The following AZGP1 variants were observed in gnomAD, a reference collection of about 807,000 sequenced individuals.
AZGP1 encodes alpha-2-glycoprotein 1, zinc-binding.
Under a neutral mutation model 31.5 loss-of-function variants are expected in AZGP1, and 28 were observed. That is an observed-to-expected ratio of 0.89 (90% CI 0.66 to 1.22). AZGP1 has a LOEUF of 1.22. Among genes scored for constraint, AZGP1 ranks in the 50% most tolerant of loss-of-function variants. AZGP1 has a pLI of 0.00. For missense variants in AZGP1, 361 were observed against 371.8 expected, an observed-to-expected ratio of 0.97 and a Z score of 0.24; for synonymous variants, 135 against 145.4, an observed-to-expected ratio of 0.93 and a Z score of 0.51.
chr7:99,971,737 T>C lies in AZGP1; in HGVS notation c.337+9A>G. On this transcript the variant is annotated intron_variant, in intron 2 of 3. Coordinates refer to ENST00000292401, the MANE Select transcript of AZGP1 (RefSeq NM_001185.4). ...GACCTTCCACCCCTGTGGTCTGTTA[T>C]TCACTGACCGTTACTGTCGTTGTAA... 6.2e-7 allele frequency: 1 copy of C among 1,612,740 alleles called. No individual in the cohort carries two copies. The highest frequency in any genetic ancestry group is 1.7e-5 in the Admixed American group (1 of 59,984).
chr7:99,968,834 A>C (rs1168537681), intron 2 of AZGP1: 2 of 204,318 alleles, frequency 9.8e-6, no homozygotes, highest in African/African-American at 4.8e-5. Flanking sequence ...ATGGTGGTGC[A>C]TGCCTGTAGC....
In AZGP1 at chr7:99,966,995, C is replaced by A; in HGVS notation, c.*8G>T. The A allele has an allele frequency of 1.9e-6, 3 of 1,611,964 alleles. No homozygotes were observed. The highest frequency in any genetic ancestry group is 2.5e-6 in the Non-Finnish European group (3 of 1,178,484). ...CTGAGATCCCACATTGCCTCCAACC[C>A]TTGCTTCCTAGCTGGCCTCCCAGGG... On this transcript the variant is annotated 3_prime_UTR_variant, in exon 4 of 4. Transcript: ENST00000292401.
chr7:99,972,027 A>C, intron 1 of AZGP1, 21 bp from the exon 2 acceptor site: 2 of 1,587,826 alleles, frequency 1.3e-6, no homozygotes, highest in Admixed American at 3.4e-5. Flanking sequence ...AAAGATTCTG[A>C]TGGTTGAGGT....
At chr7:99,969,408 T>TAAAAA (rs3033213) in intron 2 of AZGP1, among the ~76,000 whole-genome samples, 1 of 141,332 alleles carries the variant, frequency 7.1e-6, no homozygotes, top group African/African-American at 2.7e-5. Flanking sequence ...GACTCAGTCT[T>TAAAAA]AAAAAAAAAA....
At position 99,968,375 on chromosome 7, in the gene AZGP1, G is replaced by A. The variant is rs777569319; in HGVS notation, c.393C>T (p.Ser131=). The A allele has an allele frequency of 3.8e-5, 61 of 1,613,596 alleles. No homozygotes were observed. In the Middle Eastern group the frequency reaches 5.0e-4, roughly 13 times the overall value. The part of the protein sequence containing the change: ...FGCEIENNRS[S]GAFWKYYYDG... ...CATAGTAATATTTCCAGAATGCTCC[G>A]CTGCTTCTGTTATTCTCGATCTCAC... Residue 131 remains serine (S), a synonymous_variant, in exon 3 of 4, where the codon AGC becomes AGT. Transcript: ENST00000292401.
chr7:99,972,034 AG>A, intron 1 of AZGP1, 28 bp from the exon 2 acceptor site: 1 of 1,578,588 alleles, frequency 6.3e-7, no homozygotes, highest in Non-Finnish European at 8.6e-7. Flanking sequence ...CTGATGGTTG[AG>A]GTCCATGCAA....
chr7:99,973,971 G>C (rs1789618830), intron 1 of AZGP1, among the ~76,000 whole-genome samples: 1 of 150,236 alleles, frequency 6.7e-6, no homozygotes, highest in Non-Finnish European at 1.5e-5. Context: ...GGTGACTATA[G>C]TCAATAATAA....
Position 99,968,224 on chromosome 7 carries a change from G to A in AZGP1, c.544C>T (p.Leu182=), listed in dbSNP as rs764757079. Residue 182 remains leucine (L), a synonymous_variant, in exon 3 of 4, where the codon CTG becomes TTG. Coordinates refer to ENST00000292401, the MANE Select transcript of AZGP1 (RefSeq NM_001185.4). ...AGAGTCGCAGGGCACTCCTCCTCCAGGTAAGCCTTGGCCCGCTGCACGTAG... is the reference window on the plus strand; with the variant it reads ...AGAGTCGCAGGGCACTCCTCCTCCAAGTAAGCCTTGGCCCGCTGCACGTAG... ...PVYVQRAKAY[L]EEECPATLRK... is the part of the protein sequence containing the mutation. 6 of 1,613,748 alleles carry A rather than the reference G, an allele frequency of 3.7e-6. No individual in the cohort carries two copies. Among genetic ancestry groups the A allele is most frequent in the Middle Eastern group, 1.6e-4 (1 of 6,082 alleles).
chr7:99,968,656 T>C, intron 2 of AZGP1: 1 of 587,100 alleles, frequency 1.7e-6, no homozygotes, highest in Non-Finnish European at 2.9e-6. Context: ...TCAGATGAGA[T>C]ATGTTCCTCC....
At chr7:99,969,274 T>C (rs1789543131) in intron 2 of AZGP1, among the ~76,000 whole-genome samples, 1 of 152,104 alleles carries the variant, frequency 6.6e-6, no homozygotes, top group Admixed American at 6.6e-5. Flanking sequence ...CTGGGTGTGC[T>C]GGCACATGCC....
intron 1 of AZGP1, among the ~76,000 whole-genome samples, chr7:99,974,403 T>C (rs1789626322): frequency 6.6e-6 from 1 of 151,150 alleles, no homozygotes; most frequent in Non-Finnish European, 1.5e-5. Context: ...CTGGCCAACA[T>C]GATGAAACCC....
chr7:99,966,952 G>A lies in AZGP1; in HGVS notation c.*51C>T. ...GTGGTTCAGCTCCCACATCAGGCAG[G>A]AAGGGCAGCTACTGGGTCTGAGATC... On this transcript the variant is annotated 3_prime_UTR_variant, in exon 4 of 4. Coordinates refer to ENST00000292401, the MANE Select transcript of AZGP1 (RefSeq NM_001185.4). 1 of 1,584,624 alleles carries A rather than the reference G, an allele frequency of 6.3e-7. No individual in the cohort carries two copies. Among genetic ancestry groups the A allele is most frequent in the Non-Finnish European group, 8.6e-7 (1 of 1,163,152 alleles).
At chr7:99,970,575 C>T (rs1789561091) in intron 2 of AZGP1, among the ~76,000 whole-genome samples, 1 of 151,846 alleles carries the variant, frequency 6.6e-6, no homozygotes, top group African/African-American at 2.4e-5. Flanking sequence ...GTGTTCATCT[C>T]CTCATCCTCC....
intron 1 of AZGP1, among the ~76,000 whole-genome samples, chr7:99,972,669 C>T (rs905190520): frequency 1.3e-5 from 2 of 152,118 alleles, no homozygotes; most frequent in Non-Finnish European, 2.9e-5. Flanking sequence ...CAAAAATTAG[C>T]TGGGCATGGT....
intron 2 of AZGP1, among the ~76,000 whole-genome samples, chr7:99,970,029 G>A (rs985862996): frequency 3.9e-5 from 6 of 152,122 alleles, no homozygotes; most frequent in Non-Finnish European, 5.9e-5. Context: ...CTGGGCTCAC[G>A]TCCCAGGTCT....
intron 1 of AZGP1, 59 bp from the exon 2 acceptor site, chr7:99,972,065 C>A: frequency 6.5e-7 from 1 of 1,535,010 alleles, no homozygotes; most frequent in Admixed American, 2.0e-5. Flanking sequence ...TGTGGGGCTG[C>A]ATAGGGCTAG....
In AZGP1 at chr7:99,966,922, T is replaced by C. The variant is rs1562796575; in HGVS notation, c.*81A>G. ...GGCCTTGTGGATCCATTGACTGTGATTTCTGTGGTTCAGCTCCCACATCAG... is the reference window on the plus strand; with the variant it reads ...GGCCTTGTGGATCCATTGACTGTGACTTCTGTGGTTCAGCTCCCACATCAG... On this transcript the variant is annotated 3_prime_UTR_variant, in exon 4 of 4. Transcript: ENST00000292401. 3.3e-6 allele frequency: 5 copies of C among 1,529,096 alleles called. No homozygotes were observed. The highest frequency in any genetic ancestry group is 4.4e-6 in the Non-Finnish European group (5 of 1,127,748). 94.7% of individuals were successfully genotyped at this position (1,529,096 alleles called of 1,614,324 possible). A position where few individuals can be genotyped will look rare whatever the true frequency, so the allele number is the denominator to read the frequency against.
At chr7:99,969,314 C>T (rs1789543583) in intron 2 of AZGP1, among the ~76,000 whole-genome samples, 1 of 151,558 alleles carries the variant, frequency 6.6e-6, no homozygotes, top group South Asian at 2.1e-4. Context: ...GAGGCTGAGG[C>T]AGGAGAATCG....
intron 1 of AZGP1, among the ~76,000 whole-genome samples, chr7:99,972,484 G>A (rs1789594740): frequency 6.6e-6 from 1 of 152,138 alleles, no homozygotes. Flanking sequence ...ATGGAACCTT[G>A]CCCAGTGTGC....
Sources: allele counts gnomAD v4.1 joint callset (sites outside exome capture counted in the v4.1 genomes callset), GRCh38; gene constraint gnomAD v4.1.1; transcripts MANE v1.5; gene names NCBI Gene and HGNC (gene_info 2026-07-23, HGNC 2026-07-21).